HAPLN2: variants seen among roughly 807,000 people sequenced by gnomAD.
HAPLN2 encodes the protein hyaluronan and proteoglycan link protein 2.
In HAPLN2, 27 loss-of-function variants were observed where a neutral mutation model predicts 29.3. That is an observed-to-expected ratio of 0.92 (90% CI 0.68 to 1.27). The LOEUF (loss-of-function observed/expected upper bound fraction) is 1.27. HAPLN2 is among the 50% of genes most tolerant of loss of function. The probability of loss-of-function intolerance (pLI) is 0.00; values close to 1 mark genes in which losing one functional copy is unlikely to be tolerated. For synonymous variants in HAPLN2, 208 were observed against 211.7 expected (o/e 0.98, Z 0.15); for missense variants, 454 against 484.3 (o/e 0.94, Z 0.59).
chr1:156,613,664 C>T, the HAPLN2 span, among the ~76,000 whole-genome samples: 1 of 151,844 alleles, frequency 6.6e-6, no homozygotes, highest in African/African-American at 2.4e-5. Context: ...GTCTGTAATC[C>T]CAACAATTTG....
At chr1:156,618,559 C>T (rs1239975254), upstream of HAPLN2, among the ~76,000 whole-genome samples, 1 of 151,876 alleles carries the variant, frequency 6.6e-6, no homozygotes, top group Non-Finnish European at 1.5e-5. Flanking sequence ...GCAGGCGGAT[C>T]ACCAGGTCAG....
rs1678381435 is a variant in HAPLN2 at position 156,624,608 on chromosome 1, C to T, written c.564C>T (p.Thr188=). 6 of 1,612,640 alleles carry T rather than the reference C, an allele frequency of 3.7e-6. No individual in the cohort carries two copies. Among genetic ancestry groups the T allele is most frequent in the Non-Finnish European group, 5.1e-6 (6 of 1,179,558 alleles). ...ATYSQLYQAW[T]EGLDWCNAGW... The stretch of plus-strand genomic sequence containing the variant: ...TCCGCCGTCTCCCGCCAGCTTGGAC[C>T]GAGGGTCTGGACTGGTGTAACGCGG... Residue 188 remains threonine (T), a synonymous_variant, in exon 6 of 7, where the codon ACC becomes ACT. Coordinates refer to ENST00000255039, the MANE Select transcript of HAPLN2 (RefSeq NM_021817.3).
chr1:156,625,263 G>C lies in HAPLN2; in HGVS notation c.902G>C (p.Arg301Pro). The C allele has an allele frequency of 6.3e-7, 1 of 1,576,148 alleles. No homozygotes were observed. Among genetic ancestry groups the C allele is most frequent in the Non-Finnish European group, 8.6e-7 (1 of 1,162,072 alleles). ...GGCTGGCTGGCTGACGGCAGTGTGCGCTTCCCAATCACCACGCCGAGGCCG... is the reference window on the plus strand; with the variant it reads ...GGCTGGCTGGCTGACGGCAGTGTGCCCTTCCCAATCACCACGCCGAGGCCG... ...DGGWLADGSV[R>P]FPITTPRPRC... Residue 301 changes from arginine (R) to proline (P), a missense_variant, in exon 7 of 7, where the codon CGC becomes CCC. By Grantham distance (103) the Arg-to-Pro change is moderately radical. Coordinates refer to ENST00000255039, the MANE Select transcript of HAPLN2 (RefSeq NM_021817.3). The surrounding 1 kb of genome is among the most constrained non-coding windows in gnomAD (Gnocchi z 5.7).
chr1:156,605,585 C>T, the HAPLN2 span, among the ~76,000 whole-genome samples: 6,229 of 106,174 alleles, frequency 0.059, 523 homozygotes, highest in African/African-American at 0.21. Context: ...GGCTACAGAG[C>T]GAGACTTGGT....
Position 156,623,821 on chromosome 1 carries a change from C to T in HAPLN2, c.100C>T (p.Pro34Ser). The T allele has an allele frequency of 6.6e-7, 1 of 1,523,944 alleles. No individual in the cohort carries two copies. Among genetic ancestry groups the T allele is most frequent in the East Asian group, 2.3e-5 (1 of 43,726 alleles). The allele number at this position is 1,523,944 out of a possible 1,614,324, so 94.4% of individuals were successfully genotyped here. Residue 34 changes from proline (P) to serine (S), a missense_variant, in exon 4 of 7, where the codon CCC becomes TCC. Pro to Ser is a moderately conservative substitution (Grantham distance 74). Around this residue, in one of 3 missense-constraint regions of HAPLN2, gnomAD observed 204 missense variants for 209.2 expected, o/e 0.98. Transcript: ENST00000255039. ...AQGDPASHPG[P>S]HYLLPPIHEV... ...CCTCTGCCCAGCATCCCACCCGGGC[C>T]CCCACTACCTCCTGCCCCCCATCCA...
At chr1:156,618,515 C>G (rs1678118265), upstream of HAPLN2, among the ~76,000 whole-genome samples, 1 of 152,026 alleles carries the variant, frequency 6.6e-6, no homozygotes, top group African/African-American at 2.4e-5. Flanking sequence ...CACGGTGGCT[C>G]ACGCCTGTAA....
chr1:156,625,536 A>C lies in HAPLN2; in HGVS notation c.*152A>C. 1 of 766,816 alleles carries C rather than the reference A, an allele frequency of 1.3e-6. No homozygotes were observed. The highest frequency in any genetic ancestry group is 1.9e-6 in the Non-Finnish European group (1 of 533,370). 47.5% of individuals were successfully genotyped at this position (766,816 alleles called of 1,614,324 possible). On this transcript the variant is annotated 3_prime_UTR_variant, in exon 7 of 7. Transcript: ENST00000255039. The surrounding 1 kb of genome is among the most constrained non-coding windows in gnomAD (Gnocchi z 5.7). ...CCCAGCCGGGGGCTGCGGGCCTCGG[A>C]CCCCGGCTGGCCCGGCGGCGGGGAG... is the stretch of plus-strand genomic sequence containing the variant.
Position 156,625,295 on chromosome 1 carries a change from G to GT in HAPLN2, c.934_935insT (p.Gly312ValfsTer134). ...AATCACCACGCCGAGGCCGCGCTGC[G>GT]GGGGGCTCCCGGATCCCGGAGTGCG... On this transcript the variant is annotated frameshift_variant, in exon 7 of 7. Coordinates refer to ENST00000255039, the MANE Select transcript of HAPLN2 (RefSeq NM_021817.3). LOFTEE classifies it low-confidence loss of function (END_TRUNC). This position sits in a 1 kb window ranked among gnomAD's most constrained non-coding sequence, Gnocchi z 5.7. 1 of 1,580,268 alleles carries GT rather than the reference G, an allele frequency of 6.3e-7. No individual in the cohort carries two copies. Among genetic ancestry groups the GT allele is most frequent in the South Asian group, 1.2e-5 (1 of 86,340 alleles).
At chr1:156,613,794 G>A in the HAPLN2 span, among the ~76,000 whole-genome samples, 1 of 151,818 alleles carries the variant, frequency 6.6e-6, no homozygotes, top group Non-Finnish European at 1.5e-5. Context: ...GCTCACGCCT[G>A]TAACCCTAGC....
At chr1:156,604,409 C>G in the HAPLN2 span, among the ~76,000 whole-genome samples, 1 of 151,868 alleles carries the variant, frequency 6.6e-6, no homozygotes, top group African/African-American at 2.4e-5. Context: ...TCTGCCTCAG[C>G]CACCTGAGTA....
Position 156,624,340 on chromosome 1 carries a change from C to T in HAPLN2, c.440-11C>T, listed in dbSNP as rs369574575. The T allele has an allele frequency of 1.3e-6, 2 of 1,592,774 alleles. No homozygotes were observed. The highest frequency in any genetic ancestry group is 2.3e-5 in the South Asian group (2 of 88,074). On this transcript the variant is annotated splice_polypyrimidine_tract_variant and intron_variant, in intron 4 of 6. Transcript: ENST00000255039. ...CCGCTGGCCCTCCCCAGGATCCCCG[C>T]CACCCCCTAGGTGTGGTGTTTCCGT...
Position 156,623,040 on chromosome 1 carries a change from ATAAATAAAT to A in HAPLN2, c.-24-426_-24-418del, listed in dbSNP as rs1379717132. Reference sequence around the variant, plus strand: ...TGGAGCAACACTCTGTCTCAAAAAAATAAATAAATAAATAAATAAATAAATAAATAAATA... The same window carrying A: ...TGGAGCAACACTCTGTCTCAAAAAAAAAATAAATAAATAAATAAATAAATA... On this transcript the variant is annotated intron_variant, in intron 2 of 6. Transcript: ENST00000255039. Among the ~76,000 whole-genome samples the A allele has an allele frequency of 6.4e-5, 8 of 125,726 alleles. 1 individual carries two copies. The highest frequency in any genetic ancestry group is 2.9e-4 in the African/African-American group (8 of 27,954). 82.5% of individuals were successfully genotyped at this position (125,726 alleles called of 152,430 possible).
At chr1:156,616,612 C>T (rs12041712), upstream of HAPLN2, among the ~76,000 whole-genome samples, 3,071 of 152,228 alleles carry the variant, frequency 0.02, 109 homozygotes, top group East Asian at 0.14. Context: ...CTCCCTCTGC[C>T]GGAGGCTGTT....
the HAPLN2 span, among the ~76,000 whole-genome samples, chr1:156,610,761 A>G: frequency 6.6e-6 from 1 of 152,112 alleles, no homozygotes; most frequent in African/African-American, 2.4e-5. Context: ...ATTCTTAAAT[A>G]TTTTTCTGGA....
At chr1:156,617,614 G>T (rs1678092433), upstream of HAPLN2, among the ~76,000 whole-genome samples, 1 of 148,070 alleles carries the variant, frequency 6.8e-6, no homozygotes, top group Admixed American at 6.7e-5. Flanking sequence ...CTCCCAAAGT[G>T]TTGGGATTAT....
chr1:156,624,051 C>G lies in HAPLN2; in HGVS notation c.330C>G (p.Asp110Glu), dbSNP rs201478982. 1.7e-5 allele frequency: 28 copies of G among 1,613,174 alleles called. No individual in the cohort carries two copies. Among genetic ancestry groups the G allele is most frequent in the Non-Finnish European group, 2.3e-5 (27 of 1,179,816 alleles). ...GGATGCGGAGGGGGCATCGACTAGACGCCTCCCTGGTCATCGCGGGCGTGC... is the reference window on the plus strand; with the variant it reads ...GGATGCGGAGGGGGCATCGACTAGAGGCCTCCCTGGTCATCGCGGGCGTGC... ...RARMRRGHRL[D>E]ASLVIAGVRL... Residue 110 changes from aspartate to glutamate, a missense_variant, in exon 4 of 7, where the codon GAC becomes GAG. Transcript: ENST00000255039.
Position 156,625,331 on chromosome 1 carries a change from T to C in HAPLN2, c.970T>C (p.Phe324Leu). 6.3e-7 allele frequency: 1 copy of C among 1,597,782 alleles called. No individual in the cohort carries two copies. Among genetic ancestry groups the C allele is most frequent in the Non-Finnish European group, 8.5e-7 (1 of 1,173,150 alleles). The stretch of plus-strand genomic sequence containing the variant: ...GGATCCCGGAGTGCGCAGTTTCGGC[T>C]TCCCCAGGCCCCAACAGGCAGCCTA... ...LPDPGVRSFG[F>L]PRPQQAAYGT... The change falls in exon 7 of 7, where the codon TTC becomes CTC. Residue 324 changes from phenylalanine to leucine, a missense_variant. By Grantham distance (22) the Phe-to-Leu change is conservative. Transcript: ENST00000255039. The surrounding 1 kb of genome is among the most constrained non-coding windows in gnomAD (Gnocchi z 5.7).
chr1:156,601,917 T>C, the HAPLN2 span, among the ~76,000 whole-genome samples: 3 of 151,758 alleles, frequency 2.0e-5, no homozygotes, highest in Non-Finnish European at 4.4e-5. Flanking sequence ...ACTAGACATC[T>C]CAATAGGTTC....
chr1:156,603,273 C>T, the HAPLN2 span, among the ~76,000 whole-genome samples: 1 of 150,866 alleles, frequency 6.6e-6, no homozygotes, highest in African/African-American at 2.4e-5. Flanking sequence ...CCTTGGACTC[C>T]TGGGCTCAAA....
Sources: allele counts gnomAD v4.1 joint callset (sites outside exome capture counted in the v4.1 genomes callset), GRCh38; gene constraint gnomAD v4.1.1; regional missense constraint gnomAD v4.1.1; non-coding constraint Gnocchi (gnomAD v3.1); transcripts MANE v1.5; gene names NCBI Gene and HGNC (gene_info 2026-07-23, HGNC 2026-07-21).